The following PRKCQ variants were observed in gnomAD, a reference collection of about 807,000 sequenced individuals.
PRKCQ encodes protein kinase C theta.
Under a neutral mutation model 91.2 loss-of-function variants are expected in PRKCQ, and 41 were observed. The ratio of observed to expected loss-of-function variants is 0.45; its 90% CI spans 0.35 to 0.58. The LOEUF is 0.58. Ranked by LOEUF, PRKCQ falls within the 20% of genes least tolerant of loss-of-function variation. The probability of loss-of-function intolerance (pLI) is 0.00; values close to 1 mark genes in which losing one functional copy is unlikely to be tolerated. For missense variants in PRKCQ, 673 were observed against 896.5 expected (o/e 0.75, Z 3.18); for synonymous variants, 307 against 316.9 (o/e 0.97, Z 0.33).
At chr10:6,473,078 C>A (rs1197034177) in intron 12 of PRKCQ, among the ~76,000 whole-genome samples, 3 of 152,138 alleles carry the variant, frequency 2.0e-5, no homozygotes, top group African/African-American at 7.2e-5. Flanking sequence ...GTCCTATTTT[C>A]CTTAGACCAG....
intron 1 of PRKCQ, among the ~76,000 whole-genome samples, chr10:6,520,700 T>C (rs917607283): frequency 5.9e-5 from 9 of 152,158 alleles, no homozygotes; most frequent in Non-Finnish European, 1.3e-4. Context: ...TTCTCAGCCC[T>C]GGCTCCTGCA....
intron 15 of PRKCQ, among the ~76,000 whole-genome samples, chr10:6,442,415 G>T (rs1834017457): frequency 6.6e-6 from 1 of 152,186 alleles, no homozygotes. Context: ...AAGAAAGCTG[G>T]TATGTGTCTA....
Position 6,567,721 on chromosome 10 carries a change from T to G in PRKCQ, c.-10+12490A>C, listed in dbSNP as rs144561172. ...TATTGCTGCTGGGATTTATTTCTAA[T>G]CTTCTTTGAAAGATTATGTTTTTCT... is the stretch of plus-strand genomic sequence containing the variant. On this transcript the variant is annotated intron_variant, in intron 1 of 17. Transcript: ENST00000263125. 9.6e-4 allele frequency among the ~76,000 whole-genome samples: 147 copies of G among 152,348 alleles called. 1 individual carries two copies. The highest frequency in any genetic ancestry group is 3.3e-3 in the African/African-American group (139 of 41,572).
intron 1 of PRKCQ, among the ~76,000 whole-genome samples, chr10:6,578,095 G>A (rs1328460364): frequency 6.6e-6 from 1 of 152,224 alleles, no homozygotes; most frequent in African/African-American, 2.4e-5. Context: ...GATGCCTGGC[G>A]TTAACAAGAG....
chr10:6,517,961 C>A (rs1838839773), intron 1 of PRKCQ, among the ~76,000 whole-genome samples: 1 of 152,122 alleles, frequency 6.6e-6, no homozygotes, highest in Admixed American at 6.5e-5. Context: ...TTAAGACATG[C>A]AGAATAAGAT....
chr10:6,433,318 A>G (rs1394739633), intron 16 of PRKCQ, among the ~76,000 whole-genome samples: 1 of 152,200 alleles, frequency 6.6e-6, no homozygotes, highest in Non-Finnish European at 1.5e-5. Context: ...CTGGAGAATT[A>G]GCACATTGTA....
chr10:6,560,029 C>T (rs569360574), intron 1 of PRKCQ, among the ~76,000 whole-genome samples: 9 of 152,298 alleles, frequency 5.9e-5, no homozygotes, highest in African/African-American at 2.2e-4. Flanking sequence ...GGGTCAGTAC[C>T]TTTCTCCTTC....
chr10:6,401,546 T>C, the PRKCQ span, among the ~76,000 whole-genome samples: 1 of 152,076 alleles, frequency 6.6e-6, no homozygotes, highest in African/African-American at 2.4e-5. Context: ...ATTTTCGTGC[T>C]TTGTATAGTA....
the PRKCQ span, among the ~76,000 whole-genome samples, chr10:6,394,425 G>A: frequency 3.3e-5 from 5 of 152,214 alleles, no homozygotes; most frequent in African/African-American, 4.8e-5. Context: ...GTAGAAGGGG[G>A]AAGAATTAGA....
At chr10:6,544,628 T>C (rs994395430) in intron 1 of PRKCQ, among the ~76,000 whole-genome samples, 9 of 147,530 alleles carry the variant, frequency 6.1e-5, no homozygotes, top group African/African-American at 2.3e-4. Context: ...CCCACACTCT[T>C]TTTTTTTTTT....
intron 11 of PRKCQ, among the ~76,000 whole-genome samples, chr10:6,481,858 C>T (rs537040109): frequency 6.6e-6 from 1 of 152,120 alleles, no homozygotes; most frequent in South Asian, 2.1e-4. Flanking sequence ...ACATGAGATA[C>T]CCTTAATATC....
intron 4 of PRKCQ, among the ~76,000 whole-genome samples, chr10:6,506,046 G>A (rs1429944828): frequency 6.6e-6 from 1 of 152,136 alleles, no homozygotes; most frequent in African/African-American, 2.4e-5. Flanking sequence ...TATTATTTAG[G>A]TCAGCACTTT....
chr10:6,555,069 C>T (rs1840353484), intron 1 of PRKCQ, among the ~76,000 whole-genome samples: 1 of 151,318 alleles, frequency 6.6e-6, no homozygotes, highest in East Asian at 1.9e-4. Flanking sequence ...GAAGTGGGAG[C>T]TAAATATTGG....
rs1277498050 is a variant in PRKCQ, at chr10:6,580,272, G to A, written c.-71C>T. Reference sequence around the variant, plus strand: ...CTGGGACTGCGCGGGGACTGCGCGGGGACTGCGCGGGGACTGGCGGGGCTG... The same window carrying A: ...CTGGGACTGCGCGGGGACTGCGCGGAGACTGCGCGGGGACTGGCGGGGCTG... On this transcript the variant is annotated 5_prime_UTR_variant, in exon 1 of 18. Transcript: ENST00000263125. 3.5e-5 allele frequency: 2 copies of A among 57,926 alleles called. No homozygotes were observed. The highest frequency in any genetic ancestry group is 7.9e-5 in the African/African-American group (2 of 25,162). 3.6% of individuals were successfully genotyped at this position (57,926 alleles called of 1,614,324 possible).
In PRKCQ at chr10:6,442,077, A is replaced by C; in HGVS notation, c.1652T>G (p.Leu551Trp). 1 of 1,610,906 alleles carries C rather than the reference A, an allele frequency of 6.2e-7. No homozygotes were observed. Residue 551 changes from leucine (L) to tryptophan (W), a missense_variant, in exon 16 of 18, where the codon TTG (leucine) becomes TGG (tryptophan). Coordinates refer to ENST00000263125, the MANE Select transcript of PRKCQ (RefSeq NM_006257.5). ...AGAGTGGTTGTATTTCTGACCCAGC[A>C]AGATCTGCACAACCAAAAGGCAGAC... ...GTPDYIAPEI[L>W]LGQKYNHSVD...
chr10:6,416,095 C>T, the PRKCQ span, among the ~76,000 whole-genome samples: 1 of 152,082 alleles, frequency 6.6e-6, no homozygotes, highest in Non-Finnish European at 1.5e-5. Context: ...GAATACTTGG[C>T]AAATAAGCCT....
chr10:6,513,117 C>T (rs760872587), intron 2 of PRKCQ, among the ~76,000 whole-genome samples: 1 of 152,078 alleles, frequency 6.6e-6, no homozygotes, highest in Non-Finnish European at 1.5e-5. Flanking sequence ...AACAGAGGGC[C>T]CTATCTATGT....
Position 6,490,121 on chromosome 10 carries a change from A to G in PRKCQ, c.790+1562T>C, listed in dbSNP as rs377219145. On this transcript the variant is annotated intron_variant, in intron 8 of 17. Coordinates refer to ENST00000263125, the MANE Select transcript of PRKCQ (RefSeq NM_006257.5). Reference sequence around the variant, plus strand: ...CTTCTTGAACAGGGGTGTAGAGAAAAGCGTGTCAGTGTCCTTTGGGGCCAG... The same window carrying G: ...CTTCTTGAACAGGGGTGTAGAGAAAGGCGTGTCAGTGTCCTTTGGGGCCAG... Among the ~76,000 whole-genome samples the G allele has an allele frequency of 9.5e-3, 1,442 of 152,160 alleles. 22 individuals carry two copies. The highest frequency in any genetic ancestry group is 0.034 in the African/African-American group (1,391 of 41,498).
intron 1 of PRKCQ, among the ~76,000 whole-genome samples, chr10:6,549,624 C>CTT (rs753280727): frequency 0.17 from 20,685 of 124,278 alleles, 2,063 homozygotes; most frequent in Non-Finnish European, 0.19. Flanking sequence ...TAAAATTCAT[C>CTT]TTTTTTTTTT....
Sources: allele counts gnomAD v4.1 joint callset (sites outside exome capture counted in the v4.1 genomes callset), GRCh38; gene constraint gnomAD v4.1.1; transcripts MANE v1.5; gene names NCBI Gene and HGNC (gene_info 2026-07-23, HGNC 2026-07-21).